The following ROBO1 variants were observed in gnomAD, a reference collection of about 807,000 sequenced individuals.
The protein encoded by ROBO1 is roundabout homolog 1.
A neutral mutation model predicts 195.9 loss-of-function variants in ROBO1; 149 were observed. The observed-to-expected ratio is 0.76, with a 90% confidence interval of 0.67 to 0.87. The LOEUF (loss-of-function observed/expected upper bound fraction) is 0.87, where lower values mean the gene tolerates loss of function less well. Among genes scored for constraint, ROBO1 ranks in the 40% least tolerant of loss-of-function variants. The pLI is 0.00. For missense variants in ROBO1, 1,933 were observed against 2,068.3 expected, an observed-to-expected ratio of 0.93 and a Z score of 1.27; for synonymous variants, 816 against 733.2, an observed-to-expected ratio of 1.11 and a Z score of -1.82.
At chr3:78,756,663 A>C (rs887169516) in intron 4 of ROBO1, among the ~76,000 whole-genome samples, 19 of 152,046 alleles carry the variant, frequency 1.2e-4, no homozygotes, top group Non-Finnish European at 2.9e-5. Context: ...GCATGTGTGT[A>C]TGTGTGTGTA....
At chr3:78,791,396 A>T (rs1231834175) in intron 4 of ROBO1, among the ~76,000 whole-genome samples, 1 of 152,186 alleles carries the variant, frequency 6.6e-6, no homozygotes, top group Non-Finnish European at 1.5e-5. Context: ...ATAAAACAAC[A>T]AAATCTTCTC....
intron 2 of ROBO1, among the ~76,000 whole-genome samples, chr3:79,296,916 T>G (rs1576938457): frequency 2.6e-5 from 4 of 152,188 alleles, no homozygotes. Flanking sequence ...TTGGTATATT[T>G]AATCTTATGA....
intron 3 of ROBO1, among the ~76,000 whole-genome samples, chr3:78,965,629 A>G (rs1288153563): frequency 6.6e-6 from 1 of 152,200 alleles, no homozygotes; most frequent in Non-Finnish European, 1.5e-5. Context: ...TCAAAAAAAA[A>G]AATAAAGCAT....
intron 2 of ROBO1, among the ~76,000 whole-genome samples, chr3:79,356,052 C>A (rs1214927556): frequency 6.6e-6 from 1 of 152,106 alleles, no homozygotes; most frequent in Non-Finnish European, 1.5e-5. Flanking sequence ...AAATTATTAA[C>A]ATTTTTGGCC....
intron 2 of ROBO1, among the ~76,000 whole-genome samples, chr3:79,566,688 A>G (rs1302094147): frequency 6.6e-6 from 1 of 152,170 alleles, no homozygotes; most frequent in Non-Finnish European, 1.5e-5. Context: ...AAACAGTGAT[A>G]TGCCTGATCA....
intron 2 of ROBO1, among the ~76,000 whole-genome samples, chr3:79,547,078 G>A (rs1376824140): frequency 2.7e-5 from 4 of 150,940 alleles, no homozygotes; most frequent in African/African-American, 7.3e-5. Context: ...CCAGCTACTC[G>A]GGAGGCTGAG....
chr3:78,945,229 G>A (rs1236875406), intron 3 of ROBO1, among the ~76,000 whole-genome samples: 2 of 152,132 alleles, frequency 1.3e-5, no homozygotes, highest in Non-Finnish European at 2.9e-5. Flanking sequence ...TCCTCAAGTG[G>A]GTCCCTGACC....
At chr3:78,896,183 G>A (rs2037216368) in intron 4 of ROBO1, among the ~76,000 whole-genome samples, 1 of 152,118 alleles carries the variant, frequency 6.6e-6, no homozygotes, top group African/African-American at 2.4e-5. Flanking sequence ...ACCAGGAATT[G>A]TAACTGGATT....
intron 3 of ROBO1, among the ~76,000 whole-genome samples, chr3:79,113,758 ACT>A (rs2079937365): frequency 6.6e-6 from 1 of 151,984 alleles, no homozygotes; most frequent in African/African-American, 2.4e-5. Context: ...CAAAAGTGAA[ACT>A]CTGCCTCAAA....
chr3:78,838,552 G>T lies in ROBO1; in HGVS notation c.500-91652C>A, dbSNP rs900083682. 2.6e-5 allele frequency among the ~76,000 whole-genome samples: 4 copies of T among 152,154 alleles called. 1 individual carries two copies. Among genetic ancestry groups the T allele is most frequent in the Admixed American group, 6.5e-5 (1 of 15,276 alleles). ...GGTGAAAAGCAAAGTGGAGTGTCAT[G>T]TGCAAGAGATCACATGGTAGGAGGG... On this transcript the variant is annotated intron_variant, in intron 4 of 30. Transcript: ENST00000464233.
intron 1 of ROBO1, among the ~76,000 whole-genome samples, chr3:79,760,213 G>GGTGAGACA (rs1386927053): frequency 1.7e-5 from 2 of 115,528 alleles, no homozygotes; most frequent in Non-Finnish European, 1.7e-5. Context: ...CTCCAGCCTG[G>GGTGAGACA]GTGAGACAGT....
chr3:78,737,073 T>C (rs1299501959), intron 5 of ROBO1, among the ~76,000 whole-genome samples: 1 of 152,168 alleles, frequency 6.6e-6, no homozygotes, highest in African/African-American at 2.4e-5. Context: ...AATAACCAGT[T>C]GATGATAGCA....
chr3:79,048,762 G>T (rs2078642245), intron 3 of ROBO1, among the ~76,000 whole-genome samples: 1 of 152,112 alleles, frequency 6.6e-6, no homozygotes, highest in Non-Finnish European at 1.5e-5. Context: ...ACAGGGTCTG[G>T]AGGGGACCTC....
At chr3:78,912,998 T>A (rs162268) in intron 4 of ROBO1, among the ~76,000 whole-genome samples, 1 of 151,910 alleles carries the variant, frequency 6.6e-6, no homozygotes, top group African/African-American at 2.4e-5. Flanking sequence ...ATAGTATATG[T>A]AAAGAAGCAC....
chr3:79,255,120 C>T (rs1341335146), intron 2 of ROBO1, among the ~76,000 whole-genome samples: 3 of 152,136 alleles, frequency 2.0e-5, no homozygotes, highest in Admixed American at 6.6e-5. Context: ...CGGATTTATG[C>T]GTCCATTATC....
chr3:79,023,298 G>A (rs1430554804), intron 3 of ROBO1, among the ~76,000 whole-genome samples: 1 of 152,172 alleles, frequency 6.6e-6, no homozygotes, highest in Non-Finnish European at 1.5e-5. Flanking sequence ...GATGAACTGA[G>A]AAGAAAGTTT....
In ROBO1 at chr3:79,616,900, G is replaced by A. The variant is rs907112858; in HGVS notation, c.-50-26939C>T. On this transcript the variant is annotated intron_variant, in intron 1 of 30. Transcript: ENST00000464233. ...TGTGGAGCAGCAGCATTTCTGCAGTGGACTGCAGACCAGCCACAGAGCTGT... is the reference window on the plus strand; with the variant it reads ...TGTGGAGCAGCAGCATTTCTGCAGTAGACTGCAGACCAGCCACAGAGCTGT... Among the ~76,000 whole-genome samples the A allele has an allele frequency of 8.5e-5, 13 of 152,270 alleles. No individual in the cohort carries two copies. In the East Asian group the frequency reaches 2.3e-3, roughly 27 times the overall value.
At chr3:78,888,153 T>A (rs888141024) in intron 4 of ROBO1, among the ~76,000 whole-genome samples, 1 of 152,206 alleles carries the variant, frequency 6.6e-6, no homozygotes, top group Non-Finnish European at 1.5e-5. Context: ...TATCAGTTCA[T>A]CCTTTCGAGA....
chr3:78,789,695 G>A (rs945119339), intron 4 of ROBO1, among the ~76,000 whole-genome samples: 3 of 152,074 alleles, frequency 2.0e-5, no homozygotes, highest in South Asian at 2.1e-4. Context: ...AACACGGGGC[G>A]ACTCTCACTG....
Sources: gnomAD v4.1 joint callset for allele counts (sites outside exome capture counted in the v4.1 genomes callset) on GRCh38, gnomAD v4.1.1 for gene constraint, MANE v1.5 for transcripts, NCBI Gene and HGNC (gene_info 2026-07-23, HGNC 2026-07-21) for gene names.